NTRK1: variants seen among roughly 807,000 people sequenced by gnomAD.
NTRK1 encodes the protein neurotrophic receptor tyrosine kinase 1.
A neutral mutation model predicts 86.8 loss-of-function variants in NTRK1; 62 were observed. The ratio of observed to expected loss-of-function variants is 0.71; its 90% CI spans 0.58 to 0.88. The LOEUF (loss-of-function observed/expected upper bound fraction) is 0.88, where lower values mean the gene tolerates loss of function less well. Ranked by LOEUF, NTRK1 falls within the 40% of genes least tolerant of loss-of-function variation. NTRK1 has a pLI of 0.00. For synonymous variants in NTRK1, 469 were observed against 456.6 expected (o/e 1.03, Z -0.35); for missense variants, 967 against 1,078.4 (o/e 0.90, Z 1.45).
intron 9 of NTRK1, 84 bp downstream of exon 9, chr1:156,874,484 G>A (rs2102909455): frequency 6.2e-7 from 1 of 1,610,760 alleles, no homozygotes; most frequent in Non-Finnish European, 8.5e-7. Context: ...ACTGATCCCT[G>A]AGAGACCAGC....
chr1:156,875,416 C>A (rs2102914580), intron 11 of NTRK1, 104 bp from the exon 12 acceptor site: 1 of 1,465,896 alleles, frequency 6.8e-7, no homozygotes, highest in Non-Finnish European at 9.5e-7. Context: ...CTCAGTCTCT[C>A]CCCTGCAAGT....
chr1:156,816,158 A>C (rs1571630129), intron 1 of NTRK1: 1 of 1,525,518 alleles, frequency 6.6e-7, no homozygotes, highest in Non-Finnish European at 8.8e-7. Flanking sequence ...TCTGCCTCCC[A>C]CCCCTCCTCC....
At chr1:156,867,699 C>T (rs1231834424) in intron 4 of NTRK1, among the ~76,000 whole-genome samples, 15 of 149,976 alleles carry the variant, frequency 1.0e-4, no homozygotes, top group South Asian at 4.2e-4. Context: ...GACGGAGTCT[C>T]GCTCTGTCAC....
At chr1:156,843,583 A>G in intron 2 of NTRK1, 1 of 1,195,846 alleles carries the variant, frequency 8.4e-7, no homozygotes, top group South Asian at 1.2e-5. Context: ...GAAGTTACTG[A>G]CCACACCCCC....
At chr1:156,844,001 A>T (rs1181080581) in intron 2 of NTRK1, among the ~76,000 whole-genome samples, 1 of 152,190 alleles carries the variant, frequency 6.6e-6, no homozygotes, top group East Asian at 1.9e-4. Context: ...GCTAACCGGG[A>T]TGAGTTGGTC....
chr1:156,864,642 G>T (rs1655839368), intron 2 of NTRK1, 86 bp from the exon 3 acceptor site: 1 of 1,445,306 alleles, frequency 6.9e-7, no homozygotes, highest in Non-Finnish European at 9.7e-7. Flanking sequence ...TCAGCACAGG[G>T]GACTGGGAGG....
At chr1:156,853,088 C>CT (rs1341000498) in intron 2 of NTRK1, among the ~76,000 whole-genome samples, 1 of 152,136 alleles carries the variant, frequency 6.6e-6, no homozygotes, top group Non-Finnish European at 1.5e-5. Context: ...TTCTCTACTG[C>CT]TTTTTTCCTC....
Position 156,844,114 on chromosome 1 carries a change from A to G in NTRK1, c.50+1921A>G, listed in dbSNP as rs539255716. The G allele has an allele frequency of 1.2e-5, 15 of 1,248,974 alleles. No homozygotes were observed. In the East Asian group the frequency reaches 3.5e-4, roughly 29 times the overall value. 77.4% of individuals were successfully genotyped at this position (1,248,974 alleles called of 1,614,324 possible). A position where few individuals can be genotyped will look rare whatever the true frequency, so the allele number is the denominator to read the frequency against. ...ACTGTCTCATCTACCTCCCTTTGAC[A>G]GACTTTATGATGAGGGCTCAGGGAG... On this transcript the variant is annotated intron_variant, in intron 2 of 16. Transcript: ENST00000392302.
chr1:156,853,708 T>A (rs749544142), intron 2 of NTRK1: 2 of 1,551,200 alleles, frequency 1.3e-6, no homozygotes, highest in Non-Finnish European at 1.8e-6. Context: ...CATGTGACCC[T>A]GCTCTCTCCC....
upstream of NTRK1, chr1:156,858,855 G>T (rs994438843): frequency 3.5e-6 from 2 of 569,008 alleles, no homozygotes; most frequent in African/African-American, 3.7e-5. Flanking sequence ...CTCAGCATGA[G>T]ATTGAGAGAT....
intron 3 of NTRK1, among the ~76,000 whole-genome samples, chr1:156,866,553 G>C (rs918427428): frequency 6.6e-6 from 1 of 152,192 alleles, no homozygotes; most frequent in African/African-American, 2.4e-5. Flanking sequence ...TGTAGGGAGG[G>C]GAGCACAGAT....
chr1:156,849,513 G>GGGGGA, intron 2 of NTRK1: 1 of 486,120 alleles, frequency 2.1e-6, no homozygotes, highest in Non-Finnish European at 4.1e-6. Context: ...CAGGGGGTGG[G>GGGGGA]AAAGGGGATG....
chr1:156,880,343 T>G, intron 16 of NTRK1, 186 bp downstream of exon 16: 1 of 660,614 alleles, frequency 1.5e-6, no homozygotes. Context: ...TCCCTTATTC[T>G]TGCCTTCACC....
intron 1 of NTRK1, among the ~76,000 whole-genome samples, chr1:156,831,932 A>G (rs1343395653): frequency 3.3e-5 from 5 of 152,086 alleles, no homozygotes; most frequent in African/African-American, 1.2e-4. Flanking sequence ...CAGACTTCCT[A>G]GTGTAGCCCC....
At position 156,881,713 on chromosome 1, in the gene NTRK1, C is replaced by T. The variant is rs1648280133; in HGVS notation, c.*71C>T. ...CTGCCCTCAGCATCCCCCATAGCTC[C>T]CAGCAGCCCCAGGGTGATCTCAAAG... On this transcript the variant is annotated 3_prime_UTR_variant, in exon 17 of 17. Transcript: ENST00000524377. 4 of 1,433,720 alleles carry T rather than the reference C, an allele frequency of 2.8e-6. No individual in the cohort carries two copies. The East Asian group carries it at 9.9e-5, about 35-fold the overall frequency. The allele number at this position is 1,433,720 out of a possible 1,614,324, so 88.8% of individuals were successfully genotyped here.
chr1:156,879,552 AC>A (rs1164702629), intron 15 of NTRK1, among the ~76,000 whole-genome samples, 190 bp downstream of exon 15: 1 of 152,122 alleles, frequency 6.6e-6, no homozygotes, highest in Non-Finnish European at 1.5e-5. Context: ...CCAGATGGAA[AC>A]AGCACCTTCG....
At chr1:156,834,462 G>A (rs145097421) in intron 1 of NTRK1, among the ~76,000 whole-genome samples, 103 of 152,312 alleles carry the variant, frequency 6.8e-4, no homozygotes, top group Non-Finnish European at 1.2e-3. Context: ...GACAGAGACC[G>A]AAGGCCAAGA....
At chr1:156,846,146 A>G in intron 2 of NTRK1, 1 of 1,555,458 alleles carries the variant, frequency 6.4e-7, no homozygotes, top group Non-Finnish European at 8.7e-7. Flanking sequence ...GATGCAACTC[A>G]GGGGTGTGGG....
intron 2 of NTRK1, chr1:156,843,570 A>C (rs1213192714): frequency 7.3e-7 from 1 of 1,361,980 alleles, no homozygotes; most frequent in East Asian, 2.3e-5. Context: ...TTCAAGGAGG[A>C]GGGAAGTTAC....
Sources: gnomAD v4.1 joint callset for allele counts (sites outside exome capture counted in the v4.1 genomes callset) on GRCh38, gnomAD v4.1.1 for gene constraint, MANE v1.5 for transcripts, NCBI Gene and HGNC (gene_info 2026-07-23, HGNC 2026-07-21) for gene names.